The following PRDM6 variants were observed in gnomAD, a reference collection of about 807,000 sequenced individuals.
The protein encoded by PRDM6 is PR/SET domain 6, also known as putative histone-lysine N-methyltransferase PRDM6.
Under a neutral mutation model 60.8 loss-of-function variants are expected in PRDM6, and 25 were observed. The observed-to-expected ratio is 0.41, with a 90% CI of 0.30 to 0.57. The LOEUF (loss-of-function observed/expected upper bound fraction) is 0.57, where lower values mean the gene tolerates loss of function less well. PRDM6 is among the 20% of genes least tolerant of loss of function. The pLI is 0.27. For synonymous variants in PRDM6, 407 were observed against 357.4 expected (o/e 1.14, Z -1.57); for missense variants, 839 against 821.3 (o/e 1.02, Z -0.26).
chr5:123,168,946 C>T (rs537758027), intron 5 of PRDM6, among the ~76,000 whole-genome samples: 11 of 152,358 alleles, frequency 7.2e-5, no homozygotes, highest in South Asian at 6.2e-4. Context: ...AGTCCCCCAC[C>T]GTTGAGGATG....
chr5:123,110,674 TCTC>T (rs1424749918), intron 3 of PRDM6, among the ~76,000 whole-genome samples: 18 of 151,422 alleles, frequency 1.2e-4, no homozygotes, highest in Middle Eastern at 3.4e-3. Context: ...TTCAAGCTAT[TCTC>T]CTGCCTCAGC....
Position 123,191,051 on chromosome 5 carries a change from G to A in PRDM6, c.*3850G>A, listed in dbSNP as rs1466502060. 1 of 152,150 alleles carries A rather than the reference G, an allele frequency of 6.6e-6. No individual in the cohort carries two copies. Among genetic ancestry groups the A allele is most frequent in the Non-Finnish European group, 1.5e-5 (1 of 68,038 alleles). 9.4% of individuals were successfully genotyped at this position (152,150 alleles called of 1,614,324 possible). A position where few individuals can be genotyped will look rare whatever the true frequency, so the allele number is the denominator to read the frequency against. ...ACTGGGCTATTGGTTGTTAGCAGCA[G>A]TATCAAGAGACCAGGATTAGGGCCT... On this transcript the variant is annotated 3_prime_UTR_variant, in exon 8 of 8. Transcript: ENST00000407847.
chr5:123,158,836 G>T (rs1765565377), intron 4 of PRDM6, among the ~76,000 whole-genome samples: 1 of 151,632 alleles, frequency 6.6e-6, no homozygotes. Context: ...TTAATCTGTA[G>T]GTTTTTTTTT....
intron 7 of PRDM6, among the ~76,000 whole-genome samples, chr5:123,182,836 A>G (rs1766194421): frequency 6.6e-6 from 1 of 151,830 alleles, no homozygotes; most frequent in South Asian, 2.1e-4. Context: ...ATTTTAATTT[A>G]TCAAATAGAT....
chr5:123,152,178 G>C lies in PRDM6; in HGVS notation c.901-3706G>C, dbSNP rs1269742646. On this transcript the variant is annotated intron_variant, in intron 3 of 7. Coordinates refer to ENST00000407847, the MANE Select transcript of PRDM6 (RefSeq NM_001136239.4). ...TTTGAAAGTGCCCCCAGCTGTAATGGACTGATTTTCAGTGGTGGCAGGAAT... is the reference window on the plus strand; with the variant it reads ...TTTGAAAGTGCCCCCAGCTGTAATGCACTGATTTTCAGTGGTGGCAGGAAT... Among the ~76,000 whole-genome samples, 3 of 152,266 alleles carry C rather than the reference G, an allele frequency of 2.0e-5. No individual in the cohort carries two copies. The East Asian group carries it at 5.8e-4, about 29-fold the overall frequency.
Position 123,090,323 on chromosome 5 carries a change from C to T in PRDM6, c.309C>T (p.Ala103=), listed in dbSNP as rs889936522. 332 of 1,476,792 alleles carry T rather than the reference C, an allele frequency of 2.2e-4. No homozygotes were observed. Among genetic ancestry groups the T allele is most frequent in the Non-Finnish European group, 2.7e-4 (304 of 1,115,282 alleles). 91.5% of individuals were successfully genotyped at this position (1,476,792 alleles called of 1,614,324 possible). A position where few individuals can be genotyped will look rare whatever the true frequency, so the allele number is the denominator to read the frequency against. The part of the protein sequence containing the change: ...ASSCAAAAAA[A]ALAGLSALPV... ...CCTGCGCTGCTGCGGCCGCTGCCGC[C>T]GCGCTGGCTGGTCTCTCGGCCCTGC... Residue 103 remains alanine, a synonymous_variant, in exon 2 of 8, where the codon GCC becomes GCT. Transcript: ENST00000407847.
At chr5:123,089,933 A>C (rs1763768210) in intron 1 of PRDM6, 67 bp from the exon 2 acceptor site, 1 of 1,208,940 alleles carries the variant, frequency 8.3e-7, no homozygotes, top group Admixed American at 2.2e-5. Context: ...CCAGGGTCCC[A>C]GTGGCCCTCT....
At chr5:123,090,716 G>T (rs1164984504) in intron 2 of PRDM6, 110 bp downstream of exon 2, 2 of 557,640 alleles carry the variant, frequency 3.6e-6, no homozygotes, top group Non-Finnish European at 2.9e-6. Flanking sequence ...GGGGCCGGGT[G>T]GGTGGGGAGC....
At position 123,092,417 on chromosome 5, in the gene PRDM6, GC is replaced by G. The variant is rs1763861308; in HGVS notation, c.592+1812del. Among the ~76,000 whole-genome samples, 6 of 152,196 alleles carry G rather than the reference GC, an allele frequency of 3.9e-5. No individual in the cohort carries two copies. In the South Asian group the frequency reaches 1.2e-3, roughly 32 times the overall value. On this transcript the variant is annotated intron_variant, in intron 2 of 7. Coordinates refer to ENST00000407847, the MANE Select transcript of PRDM6 (RefSeq NM_001136239.4). Reference sequence around the variant, plus strand: ...ACCAGCAGTACACCCCAAATCCCTGGCTGTGTGCTGAGCTCCTGTACTGTTT... The same window carrying G: ...ACCAGCAGTACACCCCAAATCCCTGGTGTGTGCTGAGCTCCTGTACTGTTT...
chr5:123,182,534 T>A (rs1211715161), intron 7 of PRDM6, among the ~76,000 whole-genome samples: 1 of 152,238 alleles, frequency 6.6e-6, no homozygotes. Flanking sequence ...AAGGTGTTAC[T>A]TATGTGTAAC....
At position 123,150,470 on chromosome 5, in the gene PRDM6, A is replaced by G. The variant is rs570158428; in HGVS notation, c.901-5414A>G. Among the ~76,000 whole-genome samples, 10 of 152,324 alleles carry G rather than the reference A, an allele frequency of 6.6e-5. No individual in the cohort carries two copies. In the South Asian group the frequency reaches 1.0e-3, roughly 16 times the overall value. On this transcript the variant is annotated intron_variant, in intron 3 of 7. Transcript: ENST00000407847. Reference sequence around the variant, plus strand: ...AAAGAAATCTGGTTACTAATTTTTCATAGTCAAAACAGCCAAGAATCATTT... The same window carrying G: ...AAAGAAATCTGGTTACTAATTTTTCGTAGTCAAAACAGCCAAGAATCATTT...
rs1380909864 is a variant in PRDM6, at chr5:123,194,175, T to C, written c.*6974T>C. The C allele has an allele frequency of 6.6e-6, 1 of 152,228 alleles. No homozygotes were observed. The highest frequency in any genetic ancestry group is 2.4e-5 in the African/African-American group (1 of 41,460). 9.4% of individuals were successfully genotyped at this position (152,228 alleles called of 1,614,324 possible). On this transcript the variant is annotated 3_prime_UTR_variant, in exon 8 of 8. Coordinates refer to ENST00000407847, the MANE Select transcript of PRDM6 (RefSeq NM_001136239.4). ...GATGGAATCTACCAGGATTAAGTTG[T>C]ATTTAAATGAAAAAACAGGTACACA...
intron 2 of PRDM6, among the ~76,000 whole-genome samples, chr5:123,098,710 G>C (rs1764020406): frequency 6.6e-6 from 1 of 152,172 alleles, no homozygotes; most frequent in Non-Finnish European, 1.5e-5. Flanking sequence ...AACAGCCGTC[G>C]GGGCAGGAGT....
intron 3 of PRDM6, among the ~76,000 whole-genome samples, chr5:123,106,025 G>T (rs578166183): frequency 1.3e-5 from 2 of 152,328 alleles, no homozygotes; most frequent in East Asian, 3.9e-4. Context: ...TTGTCAGGCT[G>T]CCTGTTCGTA....
In PRDM6 at chr5:123,188,371, A is replaced by C. The variant is rs1766335493; in HGVS notation, c.*1170A>C. ...CTTTGTCTTTTCTTGAGATTGATTA[A>C]TTGAAAGAGAAGGAATTCTCCACAC... On this transcript the variant is annotated 3_prime_UTR_variant, in exon 8 of 8. Transcript: ENST00000407847. 6.6e-6 allele frequency: 1 copy of C among 152,224 alleles called. No individual in the cohort carries two copies. The highest frequency in any genetic ancestry group is 6.5e-5 in the Admixed American group (1 of 15,290). 9.4% of individuals were successfully genotyped at this position (152,224 alleles called of 1,614,324 possible). A position where few individuals can be genotyped will look rare whatever the true frequency, so the allele number is the denominator to read the frequency against.
intron 3 of PRDM6, among the ~76,000 whole-genome samples, chr5:123,132,674 C>T (rs1764858916): frequency 6.6e-6 from 1 of 152,160 alleles, no homozygotes; most frequent in African/African-American, 2.4e-5. Context: ...AGTATGATTT[C>T]TAACATCATA....
At chr5:123,090,684 G>A in intron 2 of PRDM6, 78 bp downstream of exon 2, 1 of 1,001,888 alleles carries the variant, frequency 1.0e-6, no homozygotes, top group Non-Finnish European at 1.4e-6. Flanking sequence ...TGTCAGGGAG[G>A]CGGGTCGGAT....
rs1355425881 is a variant in PRDM6 at position 123,193,654 on chromosome 5, T to C, written c.*6453T>C. 6.6e-6 allele frequency: 1 copy of C among 152,222 alleles called. No homozygotes were observed. Among genetic ancestry groups the C allele is most frequent in the East Asian group, 1.9e-4 (1 of 5,200 alleles). 9.4% of individuals were successfully genotyped at this position (152,222 alleles called of 1,614,324 possible). On this transcript the variant is annotated 3_prime_UTR_variant, in exon 8 of 8. Transcript: ENST00000407847. ...ATGACTAACGAATTAAGGAAAACTT[T>C]GGCTCAGATCAGCAAAATTATTTTG...
At chr5:123,093,791 A>G (rs758012214) in intron 2 of PRDM6, among the ~76,000 whole-genome samples, 1 of 152,206 alleles carries the variant, frequency 6.6e-6, no homozygotes, top group African/African-American at 2.4e-5. Flanking sequence ...AGACAGTCAC[A>G]GGGCGCGCCT....
Sources: gnomAD v4.1 joint callset for allele counts (sites outside exome capture counted in the v4.1 genomes callset) on GRCh38, gnomAD v4.1.1 for gene constraint, MANE v1.5 for transcripts, NCBI Gene and HGNC (gene_info 2026-07-23, HGNC 2026-07-21) for gene names.